LARP4B: variants seen among roughly 807,000 people sequenced by gnomAD.
The protein encoded by LARP4B is la-related protein 4B.
In LARP4B, 12 loss-of-function variants were observed where a neutral mutation model predicts 89.8. That is an observed-to-expected ratio of 0.13 (90% CI 0.09 to 0.22). LARP4B has a LOEUF of 0.22. Ranked by LOEUF, LARP4B falls within the 10% of genes least tolerant of loss-of-function variation. The pLI is 1.00. For missense variants in LARP4B, 757 were observed against 947.7 expected (o/e 0.80, Z 2.64); for synonymous variants, 367 against 363.3 (o/e 1.01, Z -0.12).
intron 14 of LARP4B, chr10:819,034 T>C (rs1351930865): frequency 6.6e-6 from 1 of 152,254 alleles, no homozygotes; most frequent in African/African-American, 2.4e-5. Context: ...TTTTCCCAGT[T>C]AGGTGTCCTT....
At chr10:982,232 C>G in the LARP4B span, among the ~76,000 whole-genome samples, 10 of 151,178 alleles carry the variant, frequency 6.6e-5, no homozygotes, top group African/African-American at 2.4e-4. Flanking sequence ...CTTCAGCCTA[C>G]AGGTGCGTGT....
At chr10:850,401 A>T (rs1279092244) in intron 5 of LARP4B, among the ~76,000 whole-genome samples, 1 of 152,236 alleles carries the variant, frequency 6.6e-6, no homozygotes, top group East Asian at 1.9e-4. Context: ...GACAAAGTAA[A>T]TTGAGAGCAA....
At chr10:968,778 G>A in the LARP4B span, among the ~76,000 whole-genome samples, 18 of 152,266 alleles carry the variant, frequency 1.2e-4, no homozygotes, top group African/African-American at 4.1e-4. Flanking sequence ...AGCTGTGGGC[G>A]TGAGCGCCTT....
chr10:884,866 TATA>T lies in LARP4B; in HGVS notation c.82-363_82-361del, dbSNP rs776217782. ...TTTAAATACATCCTACTATAGTGAC[TATA>T]ATGTTATTAAACTATTTACAAATCA... is the stretch of plus-strand genomic sequence containing the variant. On this transcript the variant is annotated intron_variant, in intron 2 of 17. Coordinates refer to ENST00000316157, the MANE Select transcript of LARP4B (RefSeq NM_015155.3). 4.6e-5 allele frequency among the ~76,000 whole-genome samples: 7 copies of T among 152,360 alleles called. No homozygotes were observed. In the East Asian group the frequency reaches 5.8e-4, roughly 13 times the overall value.
chr10:879,368 G>C (rs1016366614), intron 3 of LARP4B, among the ~76,000 whole-genome samples: 1 of 152,244 alleles, frequency 6.6e-6, no homozygotes, highest in Non-Finnish European at 1.5e-5. Flanking sequence ...ATACACTCTG[G>C]GGGTAAATGG....
chr10:977,290 A>T, the LARP4B span, among the ~76,000 whole-genome samples: 7 of 152,064 alleles, frequency 4.6e-5, no homozygotes, highest in Non-Finnish European at 7.4e-5. Flanking sequence ...AGTAGCTGGG[A>T]CTACAGGAAC....
At position 884,534 on chromosome 10, in the gene LARP4B, C is replaced by T. The variant is rs1359595811; in HGVS notation, c.82-28G>A. 3 of 1,450,178 alleles carry T rather than the reference C, an allele frequency of 2.1e-6. No homozygotes were observed. In the Admixed American group the frequency reaches 5.1e-5, roughly 24 times the overall value. 89.8% of individuals were successfully genotyped at this position (1,450,178 alleles called of 1,614,324 possible). ...GTAAAATTGAAAACAAAGACAACAT[C>T]AGTACAATGTTTAAAAAGAAACAAC... On this transcript the variant is annotated intron_variant, in intron 2 of 17. Coordinates refer to ENST00000316157, the MANE Select transcript of LARP4B (RefSeq NM_015155.3).
intron 1 of LARP4B, among the ~76,000 whole-genome samples, chr10:886,589 T>C (rs763361237): frequency 1.2e-4 from 19 of 152,138 alleles, no homozygotes; most frequent in Non-Finnish European, 2.4e-4. Context: ...AATTGGGATG[T>C]GTGTATCTGT....
At chr10:956,977 G>A in the LARP4B span, among the ~76,000 whole-genome samples, 2 of 152,146 alleles carry the variant, frequency 1.3e-5, no homozygotes, top group Non-Finnish European at 2.9e-5. This position sits in a 1 kb window ranked among gnomAD's most constrained non-coding sequence, Gnocchi z 4.3. Context: ...GAGACGCGGT[G>A]AACAGTTTGC....
intron 1 of LARP4B, among the ~76,000 whole-genome samples, chr10:902,925 G>C (rs766189619): frequency 1.3e-5 from 2 of 152,192 alleles, no homozygotes; most frequent in Admixed American, 6.5e-5. Flanking sequence ...TTACCGGTGT[G>C]AGCCACGGTG....
chr10:913,781 C>T (rs561145547), intron 1 of LARP4B, among the ~76,000 whole-genome samples: 3 of 152,232 alleles, frequency 2.0e-5, no homozygotes, highest in East Asian at 3.9e-4. Context: ...TGGCAGCGCA[C>T]GCCTGTAGTC....
chr10:828,083 G>A (rs972600940), intron 11 of LARP4B, among the ~76,000 whole-genome samples: 7 of 152,034 alleles, frequency 4.6e-5, no homozygotes, highest in South Asian at 2.1e-4. Context: ...TCATTTCTCC[G>A]CTTAGAAACC....
rs377402279 is a variant in LARP4B, at chr10:912,740, A to G, written c.-40+18688T>C. 3.2e-4 allele frequency among the ~76,000 whole-genome samples: 49 copies of G among 151,968 alleles called. No individual in the cohort carries two copies. In the East Asian group the frequency reaches 9.1e-3, roughly 28 times the overall value. On this transcript the variant is annotated intron_variant, in intron 1 of 17. Coordinates refer to ENST00000316157, the MANE Select transcript of LARP4B (RefSeq NM_015155.3). ...AAAAAAAAAAAATTCAAAAAAAAAA[A>G]TTAGCGGGGCATGGTGGCGTGCGCC...
chr10:921,510 G>A (rs561036587), intron 1 of LARP4B, among the ~76,000 whole-genome samples: 22 of 152,182 alleles, frequency 1.4e-4, no homozygotes, highest in Admixed American at 2.0e-4. Flanking sequence ...AGGGGGACGC[G>A]GGGAGGGGGA....
At chr10:820,771 G>C in intron 14 of LARP4B, 29 bp downstream of exon 14, 1 of 1,576,410 alleles carries the variant, frequency 6.3e-7, no homozygotes. Flanking sequence ...TAAATGTCTT[G>C]TGAAGAGGTA....
At chr10:851,976 G>C (rs374088886) in intron 5 of LARP4B, among the ~76,000 whole-genome samples, 2 of 152,194 alleles carry the variant, frequency 1.3e-5, no homozygotes, top group African/African-American at 4.8e-5. Context: ...TAAGGCGGGA[G>C]AATCGCCTGA....
intron 7 of LARP4B, among the ~76,000 whole-genome samples, chr10:841,158 T>C (rs1833503227): frequency 1.3e-5 from 2 of 152,020 alleles, no homozygotes; most frequent in Non-Finnish European, 2.9e-5. Flanking sequence ...ATCTCAAAAA[T>C]AAATAAATTC....
intron 1 of LARP4B, among the ~76,000 whole-genome samples, chr10:895,662 G>C (rs1223398018): frequency 7.1e-6 from 1 of 140,928 alleles, no homozygotes; most frequent in Non-Finnish European, 1.5e-5. Flanking sequence ...AACAGAGCAA[G>C]AGTCCATCTC....
At chr10:943,796 G>A in the LARP4B span, among the ~76,000 whole-genome samples, 1 of 152,118 alleles carries the variant, frequency 6.6e-6, no homozygotes, top group Non-Finnish European at 1.5e-5. Context: ...GGCCCGGGGA[G>A]TGCAGCGGCA....
Sources: allele counts gnomAD v4.1 joint callset (sites outside exome capture counted in the v4.1 genomes callset), GRCh38; gene constraint gnomAD v4.1.1; non-coding constraint Gnocchi (gnomAD v3.1); transcripts MANE v1.5; gene names NCBI Gene and HGNC (gene_info 2026-07-23, HGNC 2026-07-21).